Variants in LEPR observed in about 807,000 individuals in gnomAD.
LEPR encodes the protein OB receptor.
Under a neutral mutation model 114.7 loss-of-function variants are expected in LEPR, and 56 were observed. The observed-to-expected ratio is 0.49, with a 90% CI of 0.39 to 0.61. The LOEUF is 0.61. Ranked by LOEUF, LEPR falls within the 20% of genes least tolerant of loss-of-function variation. The probability of loss-of-function intolerance (pLI) is 0.00; values close to 1 mark genes in which losing one functional copy is unlikely to be tolerated. For synonymous variants in LEPR, 443 were observed against 461.4 expected, an observed-to-expected ratio of 0.96 and a Z score of 0.51; for missense variants, 1,202 against 1,352.9, an observed-to-expected ratio of 0.89 and a Z score of 1.75.
chr1:65,590,119 A>G (rs1028976315), intron 5 of LEPR, among the ~76,000 whole-genome samples: 1 of 151,824 alleles, frequency 6.6e-6, no homozygotes, highest in African/African-American at 2.4e-5. Flanking sequence ...ATAGTTTTCA[A>G]TGTGCAGATC....
chr1:65,619,588 G>C (rs534671838), intron 16 of LEPR, among the ~76,000 whole-genome samples: 1 of 152,174 alleles, frequency 6.6e-6, no homozygotes, highest in African/African-American at 2.4e-5. Context: ...AGAGGTAGTA[G>C]AACATATTGC....
intron 2 of LEPR, among the ~76,000 whole-genome samples, chr1:65,485,160 C>T (rs1647421440): frequency 6.6e-6 from 1 of 152,140 alleles, no homozygotes; most frequent in South Asian, 2.1e-4. Flanking sequence ...ATTTAGCTAA[C>T]TCCTCTAAGT....
Position 65,638,521 on chromosome 1 carries a change from T to A in LEPR, c.*1506T>A, listed in dbSNP as rs1658787470. The A allele has an allele frequency of 6.6e-6, 1 of 152,152 alleles. No homozygotes were observed. Among genetic ancestry groups the A allele is most frequent in the African/African-American group, 2.4e-5 (1 of 41,426 alleles). 9.4% of individuals were successfully genotyped at this position (152,152 alleles called of 1,614,324 possible). A position where few individuals can be genotyped will look rare whatever the true frequency, so the allele number is the denominator to read the frequency against. ...ATGGGTTTTTAAAAATTATCAGAAT[T>A]TCATATTTAGACCGAGACAAGAGAC... On this transcript the variant is annotated 3_prime_UTR_variant, in exon 20 of 20. Coordinates refer to ENST00000349533, the MANE Select transcript of LEPR (RefSeq NM_002303.6).
chr1:65,421,226 A>G, intron 1 of LEPR: 1 of 1,295,126 alleles, frequency 7.7e-7, no homozygotes. Context: ...GCGGGTGTCA[A>G]TGGAAAGCAC....
intron 2 of LEPR, chr1:65,432,478 C>T (rs1424822915): frequency 1.7e-6 from 1 of 591,768 alleles, no homozygotes; most frequent in African/African-American, 2.0e-5. Context: ...GAAGCATCAT[C>T]ATAGAGAAGT....
chr1:65,572,504 C>A, intron 5 of LEPR, 55 bp downstream of exon 5: 1 of 1,487,836 alleles, frequency 6.7e-7, no homozygotes, highest in South Asian at 1.2e-5. Context: ...TTTAAAAGAG[C>A]TTTCATATAC....
At chr1:65,613,875 T>C (rs555618303) in intron 14 of LEPR, among the ~76,000 whole-genome samples, 1 of 149,278 alleles carries the variant, frequency 6.7e-6, no homozygotes, top group East Asian at 2.0e-4. Context: ...CACTAAAGAG[T>C]TGCAAATTAA....
chr1:65,616,317 C>T (rs1283845372), intron 15 of LEPR, 93 bp downstream of exon 15: 6 of 1,272,322 alleles, frequency 4.7e-6, no homozygotes, highest in Admixed American at 2.1e-5. Flanking sequence ...AAGCAGCCTG[C>T]AATTCTCTGC....
intron 2 of LEPR, among the ~76,000 whole-genome samples, chr1:65,504,841 G>A (rs1648641499): frequency 6.6e-6 from 1 of 152,158 alleles, no homozygotes; most frequent in South Asian, 2.1e-4. Context: ...GGGAGATTGG[G>A]TGTGAAGTAT....
At chr1:65,587,310 T>C (rs1341987296) in intron 5 of LEPR, among the ~76,000 whole-genome samples, 1 of 152,102 alleles carries the variant, frequency 6.6e-6, no homozygotes, top group East Asian at 1.9e-4. Context: ...AGCTTTTATT[T>C]TAATATTTGA....
In LEPR at chr1:65,558,410, C is replaced by T. The variant is rs538847790; in HGVS notation, c.-20-7136C>T. Among the ~76,000 whole-genome samples the T allele has an allele frequency of 2.0e-5, 3 of 148,920 alleles. No individual in the cohort carries two copies. The South Asian group carries it at 6.4e-4, about 32-fold the overall frequency. ...TAGTAAGTTGTAAAATAAACAAACA[C>T]TTTTTTCCATTTACTTATCATGTGG... is the stretch of plus-strand genomic sequence containing the variant. On this transcript the variant is annotated intron_variant, in intron 2 of 19. Transcript: ENST00000349533.
At chr1:65,501,879 G>C (rs984766836) in intron 2 of LEPR, among the ~76,000 whole-genome samples, 11 of 152,084 alleles carry the variant, frequency 7.2e-5, no homozygotes, top group African/African-American at 2.7e-4. Flanking sequence ...TTTTCCTTTA[G>C]AACCACACTT....
At chr1:65,595,220 GTC>G (rs1294294090) in intron 6 of LEPR, among the ~76,000 whole-genome samples, 1 of 152,060 alleles carries the variant, frequency 6.6e-6, no homozygotes, top group Non-Finnish European at 1.5e-5. Context: ...TTAGGCAAGT[GTC>G]TCTGTGCAAG....
chr1:65,430,008 C>T (rs752980405), intron 2 of LEPR: 2 of 1,571,282 alleles, frequency 1.3e-6, no homozygotes, highest in East Asian at 2.3e-5. Flanking sequence ...ATTGTTGTTT[C>T]TGCCTTTGGA....
At chr1:65,565,396 T>G in intron 2 of LEPR, 150 bp from the exon 3 acceptor site, 22 of 735,498 alleles carry the variant, frequency 3.0e-5, no homozygotes, top group Non-Finnish European at 4.9e-5. Flanking sequence ...TAATTTTACG[T>G]GAGATATTTC....
chr1:65,569,141 AT>A (rs1480333414), intron 3 of LEPR, among the ~76,000 whole-genome samples: 2 of 152,074 alleles, frequency 1.3e-5, no homozygotes, highest in South Asian at 2.1e-4. Flanking sequence ...TTGATGTCTC[AT>A]TTCTTTTTAG....
chr1:65,599,260 C>T (rs567806963), intron 8 of LEPR, among the ~76,000 whole-genome samples: 1 of 152,196 alleles, frequency 6.6e-6, no homozygotes, highest in East Asian at 1.9e-4. Context: ...TTTTTAGCAT[C>T]GGAACATCTA....
intron 2 of LEPR, among the ~76,000 whole-genome samples, chr1:65,507,271 G>A (rs1296063314): frequency 4.6e-5 from 7 of 151,790 alleles, no homozygotes. Context: ...GGGTAGTCTC[G>A]AACTGCTGAA....
chr1:65,613,755 G>A (rs1218823370), intron 14 of LEPR, among the ~76,000 whole-genome samples: 1 of 33,320 alleles, frequency 3.0e-5, no homozygotes, highest in Non-Finnish European at 4.6e-5. Context: ...GCGAGACTCC[G>A]TCTCAAAAAA....
Sources: allele counts gnomAD v4.1 joint callset (sites outside exome capture counted in the v4.1 genomes callset), GRCh38; gene constraint gnomAD v4.1.1; transcripts MANE v1.5; gene names NCBI Gene and HGNC (gene_info 2026-07-23, HGNC 2026-07-21).